Variants in MCM10 observed in about 807,000 individuals in gnomAD.
MCM10 encodes minichromosome maintenance 10 replication initiation factor.
MCM10 carries 91 observed loss-of-function variants against 109.9 expected under a neutral mutation model. The observed-to-expected ratio is 0.83, with a 90% CI of 0.70 to 0.99. The LOEUF (loss-of-function observed/expected upper bound fraction) is 0.99. MCM10 is among the 50% of genes least tolerant of loss of function. The pLI is 0.00. For synonymous variants in MCM10, 380 were observed against 387.2 expected, an observed-to-expected ratio of 0.98 and a Z score of 0.22; for missense variants, 1,077 against 1,061.2, an observed-to-expected ratio of 1.01 and a Z score of -0.21.
At position 13,182,212 on chromosome 10, in the gene MCM10, G is replaced by A. The variant is rs1219282550; in HGVS notation, c.931-721G>A. Among the ~76,000 whole-genome samples the A allele has an allele frequency of 6.6e-6, 1 of 152,088 alleles. No homozygotes were observed. Among genetic ancestry groups the A allele is most frequent in the African/African-American group, 2.4e-5 (1 of 41,410 alleles). On this transcript the variant is annotated intron_variant, in intron 7 of 19. Coordinates refer to ENST00000378714, the MANE Select transcript of MCM10 (RefSeq NM_018518.5). The surrounding 1 kb of genome is among the most constrained non-coding windows in gnomAD (Gnocchi z 4.2). ...ACTTAGGCTAGGCTTGGTGGCTCAC[G>A]TCTGTAACCCTAACGCTTTGAGAGG... is the stretch of plus-strand genomic sequence containing the variant.
Position 13,195,235 on chromosome 10 carries a change from G to C in MCM10, c.1940G>C (p.Arg647Thr), listed in dbSNP as rs372118753. The C allele has an allele frequency of 3.1e-6, 5 of 1,609,100 alleles. No individual in the cohort carries two copies. Among genetic ancestry groups the C allele is most frequent in the Non-Finnish European group, 4.2e-6 (5 of 1,177,604 alleles). Reference protein sequence around the residue: ...VLFYDESPPPRPKLSALAEAK... With the variant: ...VLFYDESPPPTPKLSALAEAK... ...TTTTATGATGAGTCACCACCACCAA[G>C]ACCAAAACTGAGTGCTTTAGCAGAA... Residue 647 changes from arginine (R) to threonine (T), a missense_variant, in exon 14 of 20, where the codon AGA (arginine) becomes ACA (threonine). Arg to Thr is a moderately conservative substitution (Grantham distance 71). Coordinates refer to ENST00000378714, the MANE Select transcript of MCM10 (RefSeq NM_018518.5).
At chr10:13,166,820 T>C (rs1213471908) in intron 2 of MCM10, among the ~76,000 whole-genome samples, 1 of 151,030 alleles carries the variant, frequency 6.6e-6, no homozygotes, top group Non-Finnish European at 1.5e-5. Context: ...TGAATGCTTG[T>C]TTGTTATGGG....
chr10:13,175,145 G>A (rs554194455), intron 5 of MCM10, among the ~76,000 whole-genome samples: 16 of 151,746 alleles, frequency 1.1e-4, no homozygotes, highest in Non-Finnish European at 1.8e-4. Context: ...GGAACAGTTC[G>A]GACTGTGTGC....
intron 5 of MCM10, among the ~76,000 whole-genome samples, chr10:13,173,937 A>T (rs1834108010): frequency 6.6e-6 from 1 of 152,100 alleles, no homozygotes; most frequent in Non-Finnish European, 1.5e-5. Flanking sequence ...GTGATATTTT[A>T]TTAAGGAAAA....
intron 2 of MCM10, among the ~76,000 whole-genome samples, chr10:13,167,742 A>G (rs1269736424): frequency 6.6e-6 from 1 of 152,212 alleles, no homozygotes; most frequent in Non-Finnish European, 1.5e-5. Context: ...GACATCAGGA[A>G]CCTGAAGTTG....
intron 5 of MCM10, among the ~76,000 whole-genome samples, chr10:13,173,403 A>C (rs1186060770): frequency 6.6e-6 from 1 of 152,208 alleles, no homozygotes; most frequent in Non-Finnish European, 1.5e-5. Flanking sequence ...TATCAAATCA[A>C]AAGGGCTGTT....
At position 13,170,702 on chromosome 10, in the gene MCM10, T is replaced by G. The variant is rs74122561; in HGVS notation, c.8-220T>G. Among the ~76,000 whole-genome samples, 419 of 152,184 alleles carry G rather than the reference T, an allele frequency of 2.8e-3. 1 individual carries two copies. Among genetic ancestry groups the G allele is most frequent in the African/African-American group, 9.5e-3 (394 of 41,508 alleles). On this transcript the variant is annotated intron_variant, in intron 2 of 19. Coordinates refer to ENST00000378714, the MANE Select transcript of MCM10 (RefSeq NM_018518.5). ...TTTTTGTTTGTTTGTTTGTTTGTTT[T>G]TTTAGTTTCAGCTTTCATTTTAGAT...
chr10:13,179,995 T>C (rs1048872081), intron 6 of MCM10, among the ~76,000 whole-genome samples: 5 of 152,218 alleles, frequency 3.3e-5, no homozygotes, highest in African/African-American at 1.2e-4. Context: ...GGTTCACACC[T>C]GTAATCCCCG....
At chr10:13,200,451 C>G (rs1003603710) in intron 16 of MCM10, among the ~76,000 whole-genome samples, 1 of 152,248 alleles carries the variant, frequency 6.6e-6, no homozygotes, top group Non-Finnish European at 1.5e-5. Context: ...TTCAGTATCA[C>G]TACTCTGAAT....
chr10:13,182,894 C>A lies in MCM10; in HGVS notation c.931-39C>A. The A allele has an allele frequency of 6.5e-7, 1 of 1,527,022 alleles. No individual in the cohort carries two copies. Among genetic ancestry groups the A allele is most frequent in the South Asian group, 1.2e-5 (1 of 85,558 alleles). The allele number at this position is 1,527,022 out of a possible 1,614,324, so 94.6% of individuals were successfully genotyped here. On this transcript the variant is annotated intron_variant, in intron 7 of 19. Coordinates refer to ENST00000378714, the MANE Select transcript of MCM10 (RefSeq NM_018518.5). The surrounding 1 kb of genome is among the most constrained non-coding windows in gnomAD (Gnocchi z 4.2). Reference sequence around the variant, plus strand: ...GAATCATAAATGAGGACGGCATAACCTACAGTTCAAAATTATAAAAAATAA... The same window carrying A: ...GAATCATAAATGAGGACGGCATAACATACAGTTCAAAATTATAAAAAATAA...
chr10:13,183,137 C>T, intron 8 of MCM10, 37 bp downstream of exon 8: 1 of 1,597,500 alleles, frequency 6.3e-7, no homozygotes, highest in South Asian at 1.1e-5. Flanking sequence ...TGATGATTGT[C>T]TTTACAAGTT....
chr10:13,203,051 G>C (rs562725014), intron 17 of MCM10, among the ~76,000 whole-genome samples: 4 of 151,986 alleles, frequency 2.6e-5, no homozygotes, highest in Admixed American at 2.6e-4. Context: ...CACTATGTTG[G>C]ACATGCTGGT....
chr10:13,190,789 T>TA (rs1458206134), intron 10 of MCM10, among the ~76,000 whole-genome samples: 2 of 145,648 alleles, frequency 1.4e-5, no homozygotes, highest in Non-Finnish European at 3.1e-5. Context: ...GATCATATTG[T>TA]TCCTATTCTT....
Position 13,188,971 on chromosome 10 carries a change from G to A in MCM10, c.1306G>A (p.Gly436Arg). Residue 436 changes from glycine (G) to arginine (R), a missense_variant, in exon 10 of 20, where the codon GGA becomes AGA. Gly to Arg is a moderately radical substitution (Grantham distance 125, BLOSUM62 -2). Transcript: ENST00000378714. The part of the protein sequence containing the change: ...RADLQSTFSG[G>R]RIPKKFARRG... ...GGATCTGCAGTCCACCTTCTCTGGA[G>A]GACGAATTCCAAAGAAGTTTGCCCG... The A allele has an allele frequency of 6.2e-7, 1 of 1,614,234 alleles. No individual in the cohort carries two copies. The highest frequency in any genetic ancestry group is 8.5e-7 in the Non-Finnish European group (1 of 1,180,032).
At chr10:13,174,984 C>T (rs1174343391) in intron 5 of MCM10, among the ~76,000 whole-genome samples, 3 of 152,034 alleles carry the variant, frequency 2.0e-5, no homozygotes, top group Non-Finnish European at 2.9e-5. Flanking sequence ...CAAAATTAGC[C>T]GGACGTGGTG....
At chr10:13,204,580 C>A in intron 18 of MCM10, 2 of 499,708 alleles carry the variant, frequency 4.0e-6, no homozygotes, top group South Asian at 3.5e-5. Context: ...AGTGCCTGGC[C>A]CATAAGGGGT....
Position 13,182,845 on chromosome 10 carries a change from A to G in MCM10, c.931-88A>G. 1 of 1,016,004 alleles carries G rather than the reference A, an allele frequency of 9.8e-7. No individual in the cohort carries two copies. The highest frequency in any genetic ancestry group is 1.7e-5 in the South Asian group (1 of 58,836). The allele number at this position is 1,016,004 out of a possible 1,614,324, so 62.9% of individuals were successfully genotyped here. A position where few individuals can be genotyped will look rare whatever the true frequency, so the allele number is the denominator to read the frequency against. The stretch of plus-strand genomic sequence containing the variant: ...CTTGGATTTTATGGATTATAGGCAT[A>G]TAGTTTTCCATAGTAAAACTCTTGA... On this transcript the variant is annotated intron_variant, in intron 7 of 19. Transcript: ENST00000378714. The surrounding 1 kb of genome is among the most constrained non-coding windows in gnomAD (Gnocchi z 4.2).
At chr10:13,186,971 G>A (rs1834283087) in intron 9 of MCM10, among the ~76,000 whole-genome samples, 3 of 152,294 alleles carry the variant, frequency 2.0e-5, no homozygotes, top group South Asian at 2.1e-4. Context: ...CAGCCTGGGC[G>A]ATAGAGTGAG....
chr10:13,179,362 G>A (rs1457232099), intron 6 of MCM10, among the ~76,000 whole-genome samples: 1 of 152,096 alleles, frequency 6.6e-6, no homozygotes, highest in Non-Finnish European at 1.5e-5. Flanking sequence ...CCCCTACCTG[G>A]CCTTCAGGGT....
Sources: gnomAD v4.1 joint callset for allele counts (sites outside exome capture counted in the v4.1 genomes callset) on GRCh38, gnomAD v4.1.1 for gene constraint, Gnocchi (gnomAD v3.1) non-coding constraint, MANE v1.5 for transcripts, NCBI Gene and HGNC (gene_info 2026-07-23, HGNC 2026-07-21) for gene names.